Variants in ACACA observed in about 807,000 individuals in gnomAD.
ACACA encodes the protein acetyl-CoA carboxylase alpha, also known as acetyl-CoA carboxylase 1.
In ACACA, 103 loss-of-function variants were observed where a neutral mutation model predicts 296.1. The observed-to-expected ratio is 0.35, with a 90% CI of 0.30 to 0.41. ACACA has a LOEUF of 0.41. ACACA is among the 10% of genes least tolerant of loss of function. The probability of loss-of-function intolerance (pLI) is 1.00; values close to 1 mark genes in which losing one functional copy is unlikely to be tolerated. For synonymous variants in ACACA, 953 were observed against 1,038.6 expected (o/e 0.92, Z 1.58); for missense variants, 1,554 against 2,989.7 (o/e 0.52, Z 11.20).
chr17:37,275,900 C>T (rs1257759920), intron 8 of ACACA, 51 bp downstream of exon 8: 6 of 1,476,900 alleles, frequency 4.1e-6, no homozygotes, highest in African/African-American at 2.8e-5. Context: ...TCCCAAATAT[C>T]CTACTGAGCT....
intron 41 of ACACA, among the ~76,000 whole-genome samples, chr17:37,164,320 G>C (rs2076581645): frequency 6.6e-6 from 1 of 152,172 alleles, no homozygotes; most frequent in Non-Finnish European, 1.5e-5. Context: ...CATAAGCTCT[G>C]AGTACACATT....
chr17:37,225,385 G>C lies in ACACA; in HGVS notation c.3361-280C>G, dbSNP rs1382086941. On this transcript the variant is annotated intron_variant, in intron 26 of 55. Transcript: ENST00000616317. ...AAACAGCTTCGATCAAGTTCCATCAGTGTATGTGATTTACCATTGCAAAGC... is the reference window on the plus strand; with the variant it reads ...AAACAGCTTCGATCAAGTTCCATCACTGTATGTGATTTACCATTGCAAAGC... The C allele has an allele frequency of 2.3e-5, 9 of 393,030 alleles. No individual in the cohort carries two copies. The East Asian group carries it at 5.4e-4, about 24-fold the overall frequency. The allele number at this position is 393,030 out of a possible 1,614,324, so 24.3% of individuals were successfully genotyped here. A position where few individuals can be genotyped will look rare whatever the true frequency, so the allele number is the denominator to read the frequency against.
At position 37,246,883 on chromosome 17, in the gene ACACA, C is replaced by G; in HGVS notation, c.2403G>C (p.Gln801His). Residue 801 changes from glutamine (Q) to histidine (H), a missense_variant, in exon 19 of 56, where the codon CAG (glutamine) becomes CAC (histidine). Coordinates refer to ENST00000616317, the MANE Select transcript of ACACA (RefSeq NM_198834.3). ...MRSPSAGKLI[Q>H]YIVEDGGHVF... is the part of the protein sequence containing the mutation. ...CATGACCTCCATCTTCTACAATGTA[C>G]TGGATTAACTTCCCAGCAGAAGGTG... 6.2e-7 allele frequency: 1 copy of G among 1,614,120 alleles called. No individual in the cohort carries two copies. Among genetic ancestry groups the G allele is most frequent in the Admixed American group, 1.7e-5 (1 of 60,010 alleles).
At chr17:37,190,384 G>A (rs2077703508) in intron 38 of ACACA, among the ~76,000 whole-genome samples, 2 of 151,588 alleles carry the variant, frequency 1.3e-5, no homozygotes, top group Admixed American at 1.3e-4. Flanking sequence ...GAGCTGAGAT[G>A]GTGCCACTGC....
chr17:37,103,186 T>C (rs1396848650), intron 52 of ACACA, among the ~76,000 whole-genome samples: 1 of 152,130 alleles, frequency 6.6e-6, no homozygotes, highest in African/African-American at 2.4e-5. Flanking sequence ...CCGGTAATGA[T>C]TTAGGGGAGA....
At position 37,307,643 on chromosome 17, in the gene ACACA, G is replaced by A. The variant is rs1352070737; in HGVS notation, c.338+22530C>T. ...AGAGTCTCGCTCTATCCCTCAGGCT[G>A]GAGTGCAATCTCAGCTCACTGCAAC... On this transcript the variant is annotated intron_variant, in intron 3 of 55. Transcript: ENST00000616317. 4.6e-5 allele frequency among the ~76,000 whole-genome samples: 7 copies of A among 152,072 alleles called. No homozygotes were observed. The East Asian group carries it at 1.3e-3, about 29-fold the overall frequency.
At chr17:37,400,704 T>C (rs112929031) in intron 1 of ACACA, among the ~76,000 whole-genome samples, 14 of 152,222 alleles carry the variant, frequency 9.2e-5, no homozygotes, top group African/African-American at 3.1e-4. Flanking sequence ...ATTTCCTTAT[T>C]TTTTAAGGCT....
In ACACA at chr17:37,087,431, T is replaced by G; in HGVS notation, c.7037A>C (p.Gln2346Pro). 6.2e-7 allele frequency: 1 copy of G among 1,614,146 alleles called. No homozygotes were observed. The highest frequency in any genetic ancestry group is 1.7e-5 in the Admixed American group (1 of 60,020). Reference protein sequence around the residue: ...YVLKQIRSLVQANPEVAMDSI... With the variant: ...YVLKQIRSLVPANPEVAMDSI... ...ATCCATGGCAACCTCTGGATTGGCC[T>G]GGACCAAGCTGGAAAGGAAGATTGA... Residue 2346 changes from glutamine to proline, a missense_variant, in exon 56 of 56, where the codon CAG becomes CCG. Transcript: ENST00000616317.
At chr17:37,150,307 T>C (rs1324518861) in intron 44 of ACACA, among the ~76,000 whole-genome samples, 1 of 152,008 alleles carries the variant, frequency 6.6e-6, no homozygotes, top group Non-Finnish European at 1.5e-5. Context: ...TTTGGAAGGT[T>C]GAGGCTGGTG....
chr17:37,268,729 C>CTATATATATATATATATA (rs1212218965), intron 10 of ACACA, among the ~76,000 whole-genome samples: 2 of 111,078 alleles, frequency 1.8e-5, no homozygotes, highest in African/African-American at 8.2e-5. Flanking sequence ...ATCTATCTAT[C>CTATATATATATATATATA]TATCTATCTA....
intron 39 of ACACA, among the ~76,000 whole-genome samples, chr17:37,186,356 T>C (rs772507050): frequency 2.6e-4 from 39 of 152,224 alleles, no homozygotes; most frequent in Non-Finnish European, 4.4e-4. Context: ...TCTTCTTCCA[T>C]TGTGATGTAA....
chr17:37,222,215 TGA>T (rs1452986855), intron 28 of ACACA, among the ~76,000 whole-genome samples: 5 of 152,060 alleles, frequency 3.3e-5, no homozygotes, highest in African/African-American at 1.2e-4. Context: ...GTGAGAAAAA[TGA>T]GAGGTGCTGA....
chr17:37,177,269 C>T (rs1047769510), intron 41 of ACACA, among the ~76,000 whole-genome samples: 4 of 146,426 alleles, frequency 2.7e-5, no homozygotes, highest in Admixed American at 6.8e-5. Context: ...TTAAAAAATT[C>T]GTGTGTGTGT....
intron 3 of ACACA, among the ~76,000 whole-genome samples, chr17:37,308,018 C>T (rs1321944190): frequency 6.6e-6 from 1 of 151,888 alleles, no homozygotes; most frequent in Non-Finnish European, 1.5e-5. Flanking sequence ...CTATAATCAC[C>T]AACTGCAACA....
intron 10 of ACACA, among the ~76,000 whole-genome samples, chr17:37,267,764 CTTT>C (rs5820208): frequency 7.1e-6 from 1 of 141,036 alleles, no homozygotes. Context: ...TCTTCTTCTT[CTTT>C]TTTTTTTTTT....
chr17:37,098,227 G>A (rs1366865483), intron 52 of ACACA, among the ~76,000 whole-genome samples: 1 of 152,196 alleles, frequency 6.6e-6, no homozygotes, highest in Non-Finnish European at 1.5e-5. Context: ...CAAGTGTGAA[G>A]GCAGATGGCA....
At chr17:37,122,681 C>T (rs1338404412) in intron 48 of ACACA, 54 bp from the exon 49 acceptor site, 5 of 1,474,004 alleles carry the variant, frequency 3.4e-6, no homozygotes, top group East Asian at 2.3e-5. Context: ...TTATAGCTAG[C>T]CATTTGTTTT....
At chr17:37,244,089 A>T (rs937881352) in intron 21 of ACACA, among the ~76,000 whole-genome samples, 17 of 152,086 alleles carry the variant, frequency 1.1e-4, no homozygotes, top group African/African-American at 4.1e-4. Context: ...ACGGGCGGGC[A>T]CAGTGGCTCA....
chr17:37,335,303 C>A (rs1308483079), intron 2 of ACACA, among the ~76,000 whole-genome samples: 1 of 152,132 alleles, frequency 6.6e-6, no homozygotes, highest in Non-Finnish European at 1.5e-5. Flanking sequence ...AACTTCAGCA[C>A]AGAAATAAAC....
Sources: allele counts gnomAD v4.1 joint callset (sites outside exome capture counted in the v4.1 genomes callset), GRCh38; gene constraint gnomAD v4.1.1; transcripts MANE v1.5; gene names NCBI Gene and HGNC (gene_info 2026-07-23, HGNC 2026-07-21).